TNFRSF21: variants seen among roughly 807,000 people sequenced by gnomAD.
TNFRSF21 encodes TNF receptor superfamily member 21, also known as tumor necrosis factor receptor superfamily member 21.
TNFRSF21 carries 19 observed loss-of-function variants against 45.6 expected under a neutral mutation model. The observed-to-expected ratio is 0.42, with a 90% CI of 0.29 to 0.61. The LOEUF is 0.61. Among genes scored for constraint, TNFRSF21 ranks in the 20% least tolerant of loss-of-function variants. The pLI is 0.23. For missense variants in TNFRSF21, 737 were observed against 851.5 expected (o/e 0.87, Z 1.67); for synonymous variants, 314 against 335.5 (o/e 0.94, Z 0.70).
intron 1 of TNFRSF21, 113 bp from the exon 2 acceptor site, chr6:47,286,708 G>T: frequency 8.5e-7 from 1 of 1,179,596 alleles, no homozygotes; most frequent in Non-Finnish European, 1.2e-6. Flanking sequence ...TCCTGTTAAA[G>T]ATCCGACCAG....
chr6:47,253,152 A>G, intron 4 of TNFRSF21, 104 bp downstream of exon 4: 1 of 1,341,378 alleles, frequency 7.5e-7, no homozygotes, highest in Non-Finnish European at 1.0e-6. Context: ...GTGTGTGCCT[A>G]TCCACCGAAT....
intron 4 of TNFRSF21, among the ~76,000 whole-genome samples, chr6:47,240,463 C>A (rs1415396174): frequency 6.6e-6 from 1 of 152,152 alleles, no homozygotes; most frequent in Non-Finnish European, 1.5e-5. Flanking sequence ...GTTGTATCAG[C>A]CCCATTTTAC....
chr6:47,305,958 C>T (rs1322289045), intron 1 of TNFRSF21, among the ~76,000 whole-genome samples: 1 of 152,154 alleles, frequency 6.6e-6, no homozygotes, highest in Admixed American at 6.5e-5. Context: ...ACCTAAAGCT[C>T]TCATGGATCT....
chr6:47,248,004 G>A (rs775803583), intron 4 of TNFRSF21, among the ~76,000 whole-genome samples: 4 of 152,114 alleles, frequency 2.6e-5, no homozygotes, highest in Non-Finnish European at 4.4e-5. Flanking sequence ...TCTCCACTCC[G>A]CTTCCTGGTT....
intron 3 of TNFRSF21, among the ~76,000 whole-genome samples, chr6:47,281,537 T>C (rs541127748): frequency 1.0e-3 from 152 of 152,242 alleles, no homozygotes; most frequent in African/African-American, 3.4e-3. Flanking sequence ...TGTGCCACCA[T>C]ACCTGGCTAA....
chr6:47,248,244 T>A (rs1764850334), intron 4 of TNFRSF21, among the ~76,000 whole-genome samples: 4 of 152,146 alleles, frequency 2.6e-5, no homozygotes, highest in Admixed American at 2.6e-4. Context: ...AATATCTCAC[T>A]CTAGTATGGC....
intron 3 of TNFRSF21, among the ~76,000 whole-genome samples, chr6:47,269,679 G>A (rs1762384011): frequency 6.6e-6 from 1 of 152,180 alleles, no homozygotes; most frequent in Admixed American, 6.5e-5. Context: ...TCAACCAAGA[G>A]ATAATGTACC....
intron 4 of TNFRSF21, among the ~76,000 whole-genome samples, chr6:47,247,748 G>T (rs558986818): frequency 6.6e-6 from 1 of 152,350 alleles, no homozygotes; most frequent in African/African-American, 2.4e-5. Flanking sequence ...ATCCAACACA[G>T]AGTCTACTAT....
intron 3 of TNFRSF21, among the ~76,000 whole-genome samples, chr6:47,275,783 G>T (rs567526581): frequency 6.6e-6 from 1 of 152,036 alleles, no homozygotes; most frequent in Non-Finnish European, 1.5e-5. Context: ...GCCCTCACAC[G>T]TTCAAAAGCC....
chr6:47,285,258 A>C (rs1762629338), intron 2 of TNFRSF21, among the ~76,000 whole-genome samples: 1 of 152,252 alleles, frequency 6.6e-6, no homozygotes, highest in Non-Finnish European at 1.5e-5. Context: ...TAAATCAAAA[A>C]GGATTTGAAA....
At chr6:47,305,596 C>T (rs898945064) in intron 1 of TNFRSF21, among the ~76,000 whole-genome samples, 1 of 152,098 alleles carries the variant, frequency 6.6e-6, no homozygotes, top group Non-Finnish European at 1.5e-5. Flanking sequence ...TGCCAATGTA[C>T]GAGGTAATGT....
chr6:47,243,338 A>G (rs1460315005), intron 4 of TNFRSF21, among the ~76,000 whole-genome samples: 1 of 152,100 alleles, frequency 6.6e-6, no homozygotes, highest in Admixed American at 6.5e-5. Context: ...TTATTTTTTA[A>G]AACAATTTTT....
intron 1 of TNFRSF21, among the ~76,000 whole-genome samples, chr6:47,303,393 G>A (rs759747468): frequency 3.3e-5 from 5 of 152,134 alleles, no homozygotes; most frequent in Admixed American, 6.5e-5. Context: ...GCAATGTTCT[G>A]ATCCCCACCC....
At chr6:47,280,142 A>C (rs1296938631) in intron 3 of TNFRSF21, among the ~76,000 whole-genome samples, 2 of 152,194 alleles carry the variant, frequency 1.3e-5, no homozygotes, top group Non-Finnish European at 1.5e-5. Context: ...GAGGATGTAT[A>C]TGGCATCCAG....
At chr6:47,247,691 G>C (rs747856392) in intron 4 of TNFRSF21, among the ~76,000 whole-genome samples, 2 of 152,168 alleles carry the variant, frequency 1.3e-5, no homozygotes, top group African/African-American at 2.4e-5. Context: ...TACTTCTCTA[G>C]CTGTTGGGAT....
chr6:47,268,978 G>A (rs1762374735), intron 3 of TNFRSF21, among the ~76,000 whole-genome samples: 1 of 152,130 alleles, frequency 6.6e-6, no homozygotes, highest in African/African-American at 2.4e-5. Context: ...CCTCTGTACT[G>A]AGCAGAAGAA....
intron 1 of TNFRSF21, among the ~76,000 whole-genome samples, chr6:47,294,500 T>TA (rs1451396358): frequency 6.6e-6 from 1 of 152,172 alleles, no homozygotes; most frequent in African/African-American, 2.4e-5. Context: ...GTAGCCACAA[T>TA]AACTCAAGAG....
At chr6:47,307,358 T>C (rs116340644) in intron 1 of TNFRSF21, among the ~76,000 whole-genome samples, 319 of 152,248 alleles carry the variant, frequency 2.1e-3, no homozygotes, top group African/African-American at 7.3e-3. Context: ...ATTTTTAGGG[T>C]AGGTTGAGTT....
intron 1 of TNFRSF21, among the ~76,000 whole-genome samples, chr6:47,300,620 C>A (rs978582868): frequency 1.3e-5 from 2 of 152,186 alleles, no homozygotes; most frequent in African/African-American, 2.4e-5. Context: ...CCCCTGCCTG[C>A]CTTTTCAAGC....
Sources: gnomAD v4.1 joint callset for allele counts (sites outside exome capture counted in the v4.1 genomes callset) on GRCh38, gnomAD v4.1.1 for gene constraint, MANE v1.5 for transcripts, NCBI Gene and HGNC (gene_info 2026-07-23, HGNC 2026-07-21) for gene names.